DIAPH2: variants seen among roughly 807,000 people sequenced by gnomAD.
DIAPH2 encodes protein diaphanous homolog 2.
Under a neutral mutation model 92.7 loss-of-function variants are expected in DIAPH2, and 35 were observed. The ratio of observed to expected loss-of-function variants is 0.38; its 90% CI spans 0.29 to 0.50. DIAPH2 has a LOEUF of 0.50. Among genes scored for constraint, DIAPH2 ranks in the 20% least tolerant of loss-of-function variants. The probability of loss-of-function intolerance (pLI) is 0.94; values close to 1 mark genes in which losing one functional copy is unlikely to be tolerated. For missense variants in DIAPH2, 701 were observed against 819.5 expected, an observed-to-expected ratio of 0.86 and a Z score of 1.77; for synonymous variants, 301 against 280.4, an observed-to-expected ratio of 1.07 and a Z score of -0.73.
chrX:96,736,222 A>G (rs1426280826), intron 2 of DIAPH2, among the ~76,000 whole-genome samples: 3 of 111,544 alleles, frequency 2.7e-5, no homozygotes, highest in Non-Finnish European at 5.6e-5. Flanking sequence ...TTGTCATAGT[A>G]TATCTTTTTA....
chrX:97,467,642 T>A (rs775775752), intron 26 of DIAPH2, among the ~76,000 whole-genome samples: 1 of 112,113 alleles, frequency 8.9e-6, no homozygotes, highest in African/African-American at 3.2e-5. Context: ...AGCAGTTTTT[T>A]AAAAAACTTT....
At chrX:97,274,123 A>G (rs2068416433) in intron 23 of DIAPH2, among the ~76,000 whole-genome samples, 1 of 88,263 alleles carries the variant, frequency 1.1e-5, no homozygotes, top group Admixed American at 1.3e-4. Flanking sequence ...TTAAAAAGAT[A>G]CTAAACATAC....
intron 26 of DIAPH2, chrX:97,533,419 C>T (rs1447434867): frequency 9.0e-6 from 1 of 111,100 alleles, no homozygotes; most frequent in Non-Finnish European, 1.9e-5. Context: ...TTCCTCATAC[C>T]ATTGCATACA....
At chrX:97,582,310 G>A (rs1393471039) in intron 26 of DIAPH2, among the ~76,000 whole-genome samples, 6 of 59,813 alleles carry the variant, frequency 1.0e-4, no homozygotes, top group African/African-American at 2.6e-4. Flanking sequence ...GGCTGGTACC[G>A]GTTGTTCCTT....
chrX:96,747,104 T>C (rs774269345), intron 3 of DIAPH2, among the ~76,000 whole-genome samples: 12 of 111,942 alleles, frequency 1.1e-4, no homozygotes, highest in Non-Finnish European at 2.1e-4. Flanking sequence ...AAATGCTTAT[T>C]AGTGTTTTCA....
At chrX:96,695,905 C>T (rs1344894587) in intron 1 of DIAPH2, among the ~76,000 whole-genome samples, 1 of 111,815 alleles carries the variant, frequency 8.9e-6, no homozygotes, top group Non-Finnish European at 1.9e-5. Flanking sequence ...CACTCATCAC[C>T]ACGTAGTTAT....
intron 23 of DIAPH2, among the ~76,000 whole-genome samples, chrX:97,316,569 T>G (rs1433780396): frequency 9.1e-6 from 1 of 109,412 alleles, no homozygotes; most frequent in African/African-American, 3.3e-5. Flanking sequence ...GGCAGTAGAA[T>G]TGCTTGAACC....
chrX:97,082,270 A>G (rs1358381622), intron 19 of DIAPH2, among the ~76,000 whole-genome samples: 1 of 109,569 alleles, frequency 9.1e-6, no homozygotes, highest in African/African-American at 3.3e-5. Flanking sequence ...TACTATATCC[A>G]TTGGGTCTAT....
intron 5 of DIAPH2, among the ~76,000 whole-genome samples, chrX:96,895,305 C>T (rs1430974653): frequency 9.0e-6 from 1 of 111,478 alleles, no homozygotes; most frequent in East Asian, 2.8e-4. Context: ...ATGCCTGGTC[C>T]AGACTGGTTT....
intron 25 of DIAPH2, among the ~76,000 whole-genome samples, chrX:97,392,866 C>T (rs143704908): frequency 1.7e-3 from 189 of 111,522 alleles, no homozygotes; most frequent in African/African-American, 5.8e-3. Flanking sequence ...ATTGATTATA[C>T]GTTAATGGCA....
At chrX:96,756,713 G>T (rs190162801) in intron 3 of DIAPH2, among the ~76,000 whole-genome samples, 1 of 110,818 alleles carries the variant, frequency 9.0e-6, no homozygotes, top group African/African-American at 3.3e-5. Flanking sequence ...CAAAGTGGTT[G>T]TATCATTTCT....
chrX:97,273,648 G>T (rs1448154839), intron 23 of DIAPH2, among the ~76,000 whole-genome samples: 4 of 111,898 alleles, frequency 3.6e-5, no homozygotes, highest in Non-Finnish European at 7.5e-5. Context: ...CAACTAAATG[G>T]TATACTAATC....
At chrX:96,989,166 A>G (rs1480112449) in intron 17 of DIAPH2, among the ~76,000 whole-genome samples, 1 of 112,069 alleles carries the variant, frequency 8.9e-6, no homozygotes, top group Non-Finnish European at 1.9e-5. Context: ...TGTGGTTGAT[A>G]GTAAATTTAG....
chrX:96,972,272 A>G (rs1000985060), intron 17 of DIAPH2, among the ~76,000 whole-genome samples: 4 of 111,854 alleles, frequency 3.6e-5, no homozygotes, highest in African/African-American at 1.3e-4. Flanking sequence ...CTACAAGTCT[A>G]TTTTTCAGGA....
chrX:96,747,474 C>A (rs182521729), intron 3 of DIAPH2, among the ~76,000 whole-genome samples: 15 of 112,204 alleles, frequency 1.3e-4, no homozygotes, highest in Admixed American at 1.3e-3. Flanking sequence ...GTTTTACACT[C>A]TTTTCTATTC....
At position 97,382,043 on chromosome X, in the gene DIAPH2, C is replaced by T. The variant is rs769642458; in HGVS notation, c.3010-1866C>T. 2.1e-3 allele frequency among the ~76,000 whole-genome samples: 239 copies of T among 111,194 alleles called. 1 individual carries two copies. The highest frequency in any genetic ancestry group is 7.5e-3 in the African/African-American group (231 of 30,632). On this transcript the variant is annotated intron_variant, in intron 24 of 26. Transcript: ENST00000324765. ...CTGTTTACCAAATTAGAGATTTGACCACTAATAAAATATATACAAGCATTA... is the reference window on the plus strand; with the variant it reads ...CTGTTTACCAAATTAGAGATTTGACTACTAATAAAATATATACAAGCATTA...
At chrX:97,135,869 G>A (rs1466567289) in intron 21 of DIAPH2, among the ~76,000 whole-genome samples, 1 of 111,911 alleles carries the variant, frequency 8.9e-6, no homozygotes, top group Non-Finnish European at 1.9e-5. Context: ...CCTTAAAAGA[G>A]GAATAGGATA....
rs61350837 is a variant in DIAPH2 at position 97,095,098 on chromosome X, C to CTT, written c.2248-4561_2248-4560dup. On this transcript the variant is annotated intron_variant, in intron 19 of 26. Coordinates refer to ENST00000324765, the MANE Select transcript of DIAPH2 (RefSeq NM_006729.5). Reference sequence around the variant, plus strand: ...GACTTTTAGGGAAATGTTTCTTTTTCTTTTTTTTTTTTTTTTTTTTTTTTT... The same window carrying CTT: ...GACTTTTAGGGAAATGTTTCTTTTTCTTTTTTTTTTTTTTTTTTTTTTTTTTT... 6.9e-3 allele frequency among the ~76,000 whole-genome samples: 154 copies of CTT among 22,386 alleles called. 54 individuals are homozygous for CTT. The highest frequency in any genetic ancestry group is 0.01 in the Non-Finnish European group (113 of 11,094). The allele number at this position is 22,386 out of a possible 115,157, so 19.4% of individuals were successfully genotyped here. A position where few individuals can be genotyped will look rare whatever the true frequency, so the allele number is the denominator to read the frequency against.
intron 4 of DIAPH2, among the ~76,000 whole-genome samples, chrX:96,773,128 G>A (rs940175825): frequency 1.8e-5 from 2 of 111,068 alleles, no homozygotes; most frequent in African/African-American, 6.5e-5. Context: ...AAGCAGAGAA[G>A]TATTACTAGA....
Sources: gnomAD v4.1 joint callset for allele counts (sites outside exome capture counted in the v4.1 genomes callset) on GRCh38, gnomAD v4.1.1 for gene constraint, MANE v1.5 for transcripts, NCBI Gene and HGNC (gene_info 2026-07-23, HGNC 2026-07-21) for gene names.